The following CAMK1D variants were observed in gnomAD, a reference collection of about 807,000 sequenced individuals.
CAMK1D encodes the protein calcium/calmodulin-dependent protein kinase type 1D.
In CAMK1D, 9 loss-of-function variants were observed where a neutral mutation model predicts 47.7. The ratio of observed to expected loss-of-function variants is 0.19; its 90% confidence interval spans 0.11 to 0.33. The LOEUF is 0.33. Among genes scored for constraint, CAMK1D ranks in the 10% least tolerant of loss-of-function variants. The probability of loss-of-function intolerance (pLI) is 1.00; values close to 1 mark genes in which losing one functional copy is unlikely to be tolerated. For synonymous variants in CAMK1D, 184 were observed against 184.9 expected (o/e 0.99, Z 0.04); for missense variants, 291 against 488.7 (o/e 0.60, Z 3.81).
chr10:12,399,704 C>T (rs1216980391), intron 1 of CAMK1D, among the ~76,000 whole-genome samples: 1 of 152,150 alleles, frequency 6.6e-6, no homozygotes, highest in African/African-American at 2.4e-5. Context: ...TGCAAATTCA[C>T]CTATTCACTA....
At chr10:12,625,355 A>C (rs1281492324) in intron 2 of CAMK1D, among the ~76,000 whole-genome samples, 1 of 149,614 alleles carries the variant, frequency 6.7e-6, no homozygotes, top group East Asian at 2.0e-4. Flanking sequence ...AAAAAAAAAA[A>C]AGTAAAGAAA....
intron 1 of CAMK1D, among the ~76,000 whole-genome samples, chr10:12,413,890 G>A (rs547349988): frequency 3.9e-5 from 6 of 152,148 alleles, no homozygotes; most frequent in African/African-American, 1.2e-4. Flanking sequence ...AATGCAGTGG[G>A]GTTTTTAGAA....
chr10:12,371,717 G>A (rs1314903294), intron 1 of CAMK1D, among the ~76,000 whole-genome samples: 2 of 152,004 alleles, frequency 1.3e-5, no homozygotes, highest in African/African-American at 2.4e-5. Context: ...CCAAGATGGT[G>A]AAACCCTGTA....
chr10:12,780,262 C>T (rs1205374454), intron 5 of CAMK1D, among the ~76,000 whole-genome samples: 2 of 152,050 alleles, frequency 1.3e-5, no homozygotes, highest in African/African-American at 4.8e-5. Flanking sequence ...CTCAAAGCCA[C>T]CCAGCAGGGG....
intron 1 of CAMK1D, among the ~76,000 whole-genome samples, chr10:12,527,802 A>G (rs930188773): frequency 1.3e-5 from 2 of 152,148 alleles, no homozygotes; most frequent in Non-Finnish European, 2.9e-5. Flanking sequence ...TCTTTGCAGA[A>G]CCTCAAATAG....
chr10:12,794,071 C>T (rs755360278), intron 6 of CAMK1D, among the ~76,000 whole-genome samples: 2 of 152,190 alleles, frequency 1.3e-5, no homozygotes, highest in African/African-American at 2.4e-5. Flanking sequence ...CTGAAGAAAG[C>T]GTTGGAAGGA....
In CAMK1D at chr10:12,496,587, T is replaced by C. The variant is rs554770709; in HGVS notation, c.93-56638T>C. ...GCCTCCATTCTGAGGGAGGTGGGTC[T>C]AGTCCCAAACCAGAGACCTTATGCC... On this transcript the variant is annotated intron_variant, in intron 1 of 10. Transcript: ENST00000619168. Among the ~76,000 whole-genome samples the C allele has an allele frequency of 5.9e-5, 9 of 152,326 alleles. No homozygotes were observed. The South Asian group carries it at 8.3e-4, about 14-fold the overall frequency.
intron 1 of CAMK1D, among the ~76,000 whole-genome samples, chr10:12,352,105 T>C (rs564271532): frequency 1.3e-5 from 2 of 152,294 alleles, no homozygotes; most frequent in Admixed American, 6.5e-5. Context: ...AATTTGCAGA[T>C]GAGAAAACTA....
At chr10:12,524,768 G>A (rs563472311) in intron 1 of CAMK1D, among the ~76,000 whole-genome samples, 23 of 152,202 alleles carry the variant, frequency 1.5e-4, no homozygotes, top group Non-Finnish European at 2.9e-4. Context: ...AAGAAGTTAA[G>A]CAGAGACAAA....
chr10:12,365,580 A>G (rs1023894962), intron 1 of CAMK1D, among the ~76,000 whole-genome samples: 5 of 152,014 alleles, frequency 3.3e-5, no homozygotes, highest in African/African-American at 1.2e-4. Context: ...CTGGGACTAC[A>G]GGCGCTTGCC....
chr10:12,468,333 A>G (rs1208857378), intron 1 of CAMK1D, among the ~76,000 whole-genome samples: 1 of 152,250 alleles, frequency 6.6e-6, no homozygotes, highest in Non-Finnish European at 1.5e-5. Context: ...AAGTTCTGGC[A>G]TTACAGCCAT....
intron 1 of CAMK1D, among the ~76,000 whole-genome samples, chr10:12,393,542 T>C (rs1231501231): frequency 6.6e-6 from 1 of 152,198 alleles, no homozygotes; most frequent in Non-Finnish European, 1.5e-5. Flanking sequence ...CATTTTAATT[T>C]TCTCACCCAG....
At chr10:12,699,755 T>A (rs1310306126) in intron 3 of CAMK1D, among the ~76,000 whole-genome samples, 1 of 152,032 alleles carries the variant, frequency 6.6e-6, no homozygotes, top group Non-Finnish European at 1.5e-5. Context: ...AGTTATTCAT[T>A]TGGAAACTGC....
intron 1 of CAMK1D, among the ~76,000 whole-genome samples, chr10:12,410,791 C>G (rs1308316581): frequency 1.3e-5 from 2 of 152,106 alleles, no homozygotes; most frequent in Non-Finnish European, 2.9e-5. Flanking sequence ...TAGGTGCGAC[C>G]TGAGCTTTGT....
At chr10:12,720,838 C>T (rs905422634) in intron 3 of CAMK1D, among the ~76,000 whole-genome samples, 3 of 152,178 alleles carry the variant, frequency 2.0e-5, no homozygotes, top group African/African-American at 7.2e-5. Context: ...CCTTGTCCTC[C>T]CTCAGTCATT....
At chr10:12,815,129 A>T (rs1220022204) in intron 7 of CAMK1D, among the ~76,000 whole-genome samples, 1 of 152,206 alleles carries the variant, frequency 6.6e-6, no homozygotes, top group East Asian at 1.9e-4. Flanking sequence ...GACCAAAATC[A>T]TACAACTAGT....
At chr10:12,828,718 G>T in intron 10 of CAMK1D, 51 bp from the exon 11 acceptor site, 1 of 1,512,790 alleles carries the variant, frequency 6.6e-7, no homozygotes. Flanking sequence ...GGGAAGCAGG[G>T]TGAGAATTTA....
chr10:12,628,850 T>G (rs538342248), intron 2 of CAMK1D, among the ~76,000 whole-genome samples: 44 of 152,342 alleles, frequency 2.9e-4, no homozygotes, highest in African/African-American at 1.0e-3. Context: ...TAGTTTTACC[T>G]TTTCTATAAG....
rs368066610 is a variant in CAMK1D, at chr10:12,409,528, T to C, written c.92+59618T>C. On this transcript the variant is annotated intron_variant, in intron 1 of 10. Coordinates refer to ENST00000619168, the MANE Select transcript of CAMK1D (RefSeq NM_153498.4). ...TGAACTCCTGGGCTCAAGCCATTCT[T>C]CCGCCTTGGCGTCTGGAGTAGCTAG... Among the ~76,000 whole-genome samples, 161 of 152,366 alleles carry C rather than the reference T, an allele frequency of 1.1e-3. 1 individual carries two copies. Among genetic ancestry groups the C allele is most frequent in the African/African-American group, 3.7e-3 (152 of 41,594 alleles).
Sources: allele counts gnomAD v4.1 joint callset (sites outside exome capture counted in the v4.1 genomes callset), GRCh38; gene constraint gnomAD v4.1.1; transcripts MANE v1.5; gene names NCBI Gene and HGNC (gene_info 2026-07-23, HGNC 2026-07-21).